The following CCDC178 variants were observed in gnomAD, a reference collection of about 807,000 sequenced individuals.
CCDC178 encodes coiled-coil domain containing 178, also known as coiled-coil domain-containing protein 178.
Under a neutral mutation model 117.4 loss-of-function variants are expected in CCDC178, and 126 were observed. The ratio of observed to expected loss-of-function variants is 1.07; its 90% CI spans 0.93 to 1.24. The LOEUF (loss-of-function observed/expected upper bound fraction) is 1.24. Among genes scored for constraint, CCDC178 ranks in the 50% most tolerant of loss-of-function variants. CCDC178 has a pLI of 0.00. For missense variants in CCDC178, 1,030 were observed against 986.9 expected (o/e 1.04, Z -0.59); for synonymous variants, 283 against 313.4 (o/e 0.90, Z 1.02).
intron 20 of CCDC178, among the ~76,000 whole-genome samples, chr18:33,187,141 T>G (rs2058805950): frequency 6.8e-6 from 1 of 147,576 alleles, no homozygotes; most frequent in Non-Finnish European, 1.5e-5. Context: ...TGCCAAACAT[T>G]TTTAAACCAT....
intron 21 of CCDC178, among the ~76,000 whole-genome samples, chr18:33,080,050 A>G (rs1053552083): frequency 6.6e-6 from 1 of 152,068 alleles, no homozygotes; most frequent in Non-Finnish European, 1.5e-5. Context: ...GACAGATTGG[A>G]TAAAGAAAAT....
At chr18:33,096,660 A>G (rs976336791) in intron 20 of CCDC178, among the ~76,000 whole-genome samples, 1 of 152,046 alleles carries the variant, frequency 6.6e-6, no homozygotes, top group African/African-American at 2.4e-5. Context: ...AATGGAAGCA[A>G]AAATGAAATA....
At chr18:33,218,781 T>C (rs1414209798) in intron 18 of CCDC178, among the ~76,000 whole-genome samples, 2 of 152,034 alleles carry the variant, frequency 1.3e-5, no homozygotes, top group African/African-American at 4.8e-5. Flanking sequence ...GAATTATTTC[T>C]GAGGGCTCTG....
chr18:33,310,423 A>G (rs180795313), intron 11 of CCDC178, among the ~76,000 whole-genome samples: 1 of 152,316 alleles, frequency 6.6e-6, no homozygotes, highest in Admixed American at 6.5e-5. Flanking sequence ...TGGCCACTGT[A>G]TATCACACCT....
At chr18:33,313,289 G>A (rs2062367739) in intron 11 of CCDC178, among the ~76,000 whole-genome samples, 1 of 152,168 alleles carries the variant, frequency 6.6e-6, no homozygotes, top group Admixed American at 6.5e-5. Context: ...CAGCCCAGGT[G>A]GAAGCAGTTC....
intron 11 of CCDC178, 78 bp from the exon 12 acceptor site, chr18:33,293,390 G>GCCACCAAGCC: frequency 2.2e-6 from 2 of 893,156 alleles, no homozygotes; most frequent in Non-Finnish European, 3.2e-6. Flanking sequence ...GCCAGGCTTG[G>GCCACCAAGCC]TGGCTCATGC....
intron 14 of CCDC178, among the ~76,000 whole-genome samples, chr18:33,249,880 T>C (rs2059597888): frequency 1.3e-5 from 2 of 152,062 alleles, no homozygotes; most frequent in Admixed American, 1.3e-4. Flanking sequence ...TTTCATGACA[T>C]TGATTCTTCC....
At chr18:33,148,250 C>G (rs1026647053) in intron 20 of CCDC178, among the ~76,000 whole-genome samples, 2 of 152,198 alleles carry the variant, frequency 1.3e-5, no homozygotes, top group African/African-American at 4.8e-5. Context: ...AGCCAAACCC[C>G]GTCTCCACCA....
chr18:32,978,203 ATTTTTT>A (rs34863142), intron 21 of CCDC178, among the ~76,000 whole-genome samples: 27 of 90,040 alleles, frequency 3.0e-4, no homozygotes, highest in Admixed American at 4.9e-4. Flanking sequence ...CTCAAAAAAG[ATTTTTT>A]TTTTTTTTTT....
At chr18:33,223,050 T>G (rs2059256927) in intron 18 of CCDC178, 56 bp downstream of exon 18, 1 of 1,295,918 alleles carries the variant, frequency 7.7e-7, no homozygotes, top group African/African-American at 1.5e-5. Flanking sequence ...TGAATAGTTT[T>G]CACTGACATA....
At chr18:32,949,131 C>T (rs1027122920) in intron 22 of CCDC178, among the ~76,000 whole-genome samples, 6 of 151,960 alleles carry the variant, frequency 3.9e-5, no homozygotes, top group Non-Finnish European at 8.8e-5. Flanking sequence ...CTTTGTTCGT[C>T]GGCACATTAC....
At chr18:32,965,051 G>A (rs917717765) in intron 22 of CCDC178, among the ~76,000 whole-genome samples, 7 of 151,598 alleles carry the variant, frequency 4.6e-5, no homozygotes, top group Middle Eastern at 3.2e-3. Flanking sequence ...CTGTATACCC[G>A]GCACCTCAAA....
chr18:33,170,960 A>G (rs2058592271), intron 20 of CCDC178, among the ~76,000 whole-genome samples: 1 of 152,172 alleles, frequency 6.6e-6, no homozygotes, highest in Non-Finnish European at 1.5e-5. Flanking sequence ...TCTATGTATT[A>G]CTTATCCATG....
chr18:33,225,253 C>T (rs1320300706), intron 16 of CCDC178, among the ~76,000 whole-genome samples: 1 of 151,932 alleles, frequency 6.6e-6, no homozygotes, highest in Non-Finnish European at 1.5e-5. Flanking sequence ...ACCTCCACCT[C>T]CCGGGTATAA....
intron 14 of CCDC178, among the ~76,000 whole-genome samples, chr18:33,246,772 G>A (rs997083272): frequency 6.6e-6 from 1 of 151,698 alleles, no homozygotes; most frequent in Non-Finnish European, 1.5e-5. Context: ...TTCACTGACT[G>A]GGGCTAAAGA....
chr18:33,118,282 G>A (rs1437250830), intron 20 of CCDC178, among the ~76,000 whole-genome samples: 3 of 151,958 alleles, frequency 2.0e-5, no homozygotes, highest in Admixed American at 1.3e-4. Context: ...CAGAGCTGGG[G>A]CAATGTCCTC....
chr18:33,036,333 T>A (rs1324372295), intron 21 of CCDC178, among the ~76,000 whole-genome samples: 1 of 151,878 alleles, frequency 6.6e-6, no homozygotes, highest in Non-Finnish European at 1.5e-5. Context: ...TACTCATCAA[T>A]TATTCGTTAT....
chr18:33,043,619 CAA>C (rs2056589145), intron 21 of CCDC178, among the ~76,000 whole-genome samples: 1 of 151,892 alleles, frequency 6.6e-6, no homozygotes, highest in Non-Finnish European at 1.5e-5. Context: ...ATCTTAAAAA[CAA>C]AATAATTTTG....
At chr18:33,346,175 C>T in intron 9 of CCDC178, 36 bp downstream of exon 9, 2 of 1,469,162 alleles carry the variant, frequency 1.4e-6, no homozygotes, top group Non-Finnish European at 1.9e-6. Flanking sequence ...GTGCCCCCAA[C>T]AGAATAAGAA....
Sources: gnomAD v4.1 joint callset for allele counts (sites outside exome capture counted in the v4.1 genomes callset) on GRCh38, gnomAD v4.1.1 for gene constraint, MANE v1.5 for transcripts, NCBI Gene and HGNC (gene_info 2026-07-23, HGNC 2026-07-21) for gene names.